The following MAGI1 variants were observed in gnomAD, a reference collection of about 807,000 sequenced individuals.
MAGI1 encodes membrane associated guanylate kinase, WW and PDZ domain containing 1.
In MAGI1, 58 loss-of-function variants were observed where a neutral mutation model predicts 139.9. The ratio of observed to expected loss-of-function variants is 0.41; its 90% CI spans 0.34 to 0.52. The LOEUF is 0.52. MAGI1 is among the 20% of genes least tolerant of loss of function. MAGI1 has a pLI of 0.12. For synonymous variants in MAGI1, 812 were observed against 737.9 expected, an observed-to-expected ratio of 1.10 and a Z score of -1.63; for missense variants, 1,874 against 1,901.6, an observed-to-expected ratio of 0.99 and a Z score of 0.27.
intron 2 of MAGI1, among the ~76,000 whole-genome samples, chr3:65,589,155 A>G (rs2081839759): frequency 6.6e-6 from 1 of 152,222 alleles, no homozygotes; most frequent in Non-Finnish European, 1.5e-5. Flanking sequence ...GGAAACTTGA[A>G]TAGTTGAAAA....
At chr3:65,390,123 C>T (rs1943789123) in intron 14 of MAGI1, among the ~76,000 whole-genome samples, 1 of 152,130 alleles carries the variant, frequency 6.6e-6, no homozygotes, top group Non-Finnish European at 1.5e-5. Flanking sequence ...GGCCAGGGAC[C>T]CACACCTCAC....
At chr3:65,375,075 AT>A (rs1942370126) in intron 18 of MAGI1, among the ~76,000 whole-genome samples, 1 of 152,288 alleles carries the variant, frequency 6.6e-6, no homozygotes, top group South Asian at 2.1e-4. Flanking sequence ...TACAGCTCAT[AT>A]TATACATATC....
intron 1 of MAGI1, among the ~76,000 whole-genome samples, chr3:65,777,937 T>C (rs778364705): frequency 1.3e-5 from 2 of 152,158 alleles, no homozygotes; most frequent in African/African-American, 2.4e-5. Context: ...TATAGTTCTA[T>C]TAGAGAGTGT....
intron 2 of MAGI1, among the ~76,000 whole-genome samples, chr3:65,509,561 C>T (rs965728111): frequency 3.9e-5 from 6 of 152,182 alleles, no homozygotes; most frequent in African/African-American, 1.4e-4. Flanking sequence ...CCTGGAAAAT[C>T]GGGTCACTCC....
intron 1 of MAGI1, among the ~76,000 whole-genome samples, chr3:65,953,950 C>A (rs967187437): frequency 6.6e-6 from 1 of 152,146 alleles, no homozygotes; most frequent in Admixed American, 6.5e-5. Flanking sequence ...GTTTCTTGGA[C>A]TAATTTAAAA....
At chr3:65,707,483 GA>G (rs2030541503) in intron 1 of MAGI1, among the ~76,000 whole-genome samples, 1 of 152,034 alleles carries the variant, frequency 6.6e-6, no homozygotes, top group Admixed American at 6.5e-5. Context: ...CCAGGAGTTT[GA>G]GACCATCCTG....
At chr3:65,623,017 A>G (rs1227036486) in intron 1 of MAGI1, among the ~76,000 whole-genome samples, 2 of 152,228 alleles carry the variant, frequency 1.3e-5, no homozygotes, top group Non-Finnish European at 2.9e-5. Context: ...AATGTGTGGA[A>G]CTGTGCATAA....
chr3:65,987,296 C>T (rs1233418249), intron 1 of MAGI1, among the ~76,000 whole-genome samples: 1 of 152,138 alleles, frequency 6.6e-6, no homozygotes, highest in Non-Finnish European at 1.5e-5. Context: ...AAGGCATGCA[C>T]CTTGTCATGT....
chr3:65,723,922 G>T (rs2033329896), intron 1 of MAGI1, among the ~76,000 whole-genome samples: 1 of 152,008 alleles, frequency 6.6e-6, no homozygotes, highest in Admixed American at 6.6e-5. Flanking sequence ...GCATGTTTGG[G>T]GATTGGAAAA....
At chr3:65,668,509 C>T (rs1360757158) in intron 1 of MAGI1, among the ~76,000 whole-genome samples, 1 of 151,620 alleles carries the variant, frequency 6.6e-6, no homozygotes, top group African/African-American at 2.4e-5. Context: ...CAAGCTCCAA[C>T]CAGTTCAAAA....
At chr3:65,424,992 T>C (rs12486618) in intron 12 of MAGI1, among the ~76,000 whole-genome samples, 8,104 of 151,688 alleles carry the variant, frequency 0.053, 289 homozygotes, top group South Asian at 0.12. Context: ...AGGAGGTTCA[T>C]TTAAGCCCAG....
chr3:65,948,871 T>C lies in MAGI1; in HGVS notation c.313+89125A>G, dbSNP rs559102798. ...ACGAAGACGATGCTGCAGATACCTA[T>C]CCATGAATTATGCAGTTCAATTTTA... On this transcript the variant is annotated intron_variant, in intron 1 of 22. Transcript: ENST00000402939. 2.8e-4 allele frequency among the ~76,000 whole-genome samples: 43 copies of C among 152,302 alleles called. 2 individuals carry two copies. In the South Asian group the frequency reaches 8.5e-3, roughly 30 times the overall value.
intron 9 of MAGI1, 115 bp downstream of exon 9, chr3:65,439,764 G>A: frequency 6.4e-7 from 1 of 1,560,482 alleles, no homozygotes; most frequent in African/African-American, 1.4e-5. Flanking sequence ...GCTCTTCAGT[G>A]TGGCAAGAGA....
chr3:65,391,465 C>A, intron 13 of MAGI1, 107 bp from the exon 14 acceptor site: 1 of 826,656 alleles, frequency 1.2e-6, no homozygotes, highest in Admixed American at 2.5e-5. Context: ...CATACACATA[C>A]ATATCAACAG....
chr3:65,366,377 A>G (rs1176753262), intron 18 of MAGI1, among the ~76,000 whole-genome samples: 1 of 152,214 alleles, frequency 6.6e-6, no homozygotes, highest in Non-Finnish European at 1.5e-5. Flanking sequence ...GAAAATAACT[A>G]AATCAAGTGA....
intron 1 of MAGI1, among the ~76,000 whole-genome samples, chr3:65,883,560 C>T (rs1415338434): frequency 6.6e-6 from 1 of 152,194 alleles, no homozygotes; most frequent in Non-Finnish European, 1.5e-5. Context: ...GAAGACCACC[C>T]AGTTTACATG....
chr3:65,456,223 G>A (rs1949378871), intron 5 of MAGI1, among the ~76,000 whole-genome samples: 1 of 152,180 alleles, frequency 6.6e-6, no homozygotes, highest in Non-Finnish European at 1.5e-5. Context: ...ACATCTCATT[G>A]TGGTTTTCAT....
At chr3:65,395,106 A>G (rs1702090204) in intron 13 of MAGI1, among the ~76,000 whole-genome samples, 1 of 152,134 alleles carries the variant, frequency 6.6e-6, no homozygotes, top group African/African-American at 2.4e-5. Flanking sequence ...CAATAGATTT[A>G]TTCACTTAAC....
intron 13 of MAGI1, among the ~76,000 whole-genome samples, chr3:65,397,260 A>G (rs1405679331): frequency 6.6e-6 from 1 of 152,226 alleles, no homozygotes; most frequent in African/African-American, 2.4e-5. Flanking sequence ...GGAATGATCT[A>G]GGCCAGGGTC....
Sources: gnomAD v4.1 joint callset for allele counts (sites outside exome capture counted in the v4.1 genomes callset) on GRCh38, gnomAD v4.1.1 for gene constraint, MANE v1.5 for transcripts, NCBI Gene and HGNC (gene_info 2026-07-23, HGNC 2026-07-21) for gene names.